Variants in ATP10B observed in about 807,000 individuals in gnomAD.
ATP10B encodes phospholipid-transporting ATPase VB.
Under a neutral mutation model 141.2 loss-of-function variants are expected in ATP10B, and 122 were observed. The observed-to-expected ratio is 0.86, with a 90% CI of 0.75 to 1.00. The LOEUF is 1.00. Ranked by LOEUF, ATP10B falls within the 50% of genes least tolerant of loss-of-function variation. ATP10B has a pLI of 0.00. For missense variants in ATP10B, 1,876 were observed against 1,825.3 expected (o/e 1.03, Z -0.51); for synonymous variants, 685 against 692.0 (o/e 0.99, Z 0.16).
intron 2 of ATP10B, among the ~76,000 whole-genome samples, chr5:160,728,735 C>T (rs1766534097): frequency 6.6e-6 from 1 of 152,040 alleles, no homozygotes; most frequent in African/African-American, 2.4e-5. Flanking sequence ...GTTGTCAGAC[C>T]TTAGGGTGGT....
At chr5:160,717,853 C>T (rs73798526) in intron 2 of ATP10B, among the ~76,000 whole-genome samples, 2,638 of 152,248 alleles carry the variant, frequency 0.017, 78 homozygotes, top group African/African-American at 0.06. Context: ...ACACACCCTG[C>T]TCCATCTCCT....
At chr5:160,599,479 A>T (rs1175393247) in intron 21 of ATP10B, among the ~76,000 whole-genome samples, 2 of 152,208 alleles carry the variant, frequency 1.3e-5, no homozygotes, top group Non-Finnish European at 2.9e-5. Context: ...CTTTCTGAAT[A>T]GCATTTTATC....
intron 7 of ATP10B, among the ~76,000 whole-genome samples, chr5:160,652,780 A>C: frequency 1.0e-5 from 1 of 98,858 alleles, no homozygotes; most frequent in Non-Finnish European, 1.8e-5. Context: ...AAATATAAAT[A>C]TATATAAAAA....
At chr5:160,738,422 T>C (rs1208725902) in intron 2 of ATP10B, among the ~76,000 whole-genome samples, 1 of 151,924 alleles carries the variant, frequency 6.6e-6, no homozygotes, top group Non-Finnish European at 1.5e-5. Context: ...ACAATAAATA[T>C]AAGTTTAAAA....
chr5:160,676,530 T>G (rs779684678), intron 6 of ATP10B, among the ~76,000 whole-genome samples: 2 of 152,218 alleles, frequency 1.3e-5, no homozygotes, highest in Non-Finnish European at 2.9e-5. Context: ...GTAAGAAGCT[T>G]GCTAAGAGCT....
chr5:160,705,662 G>T (rs1764970777), intron 3 of ATP10B, among the ~76,000 whole-genome samples: 1 of 152,188 alleles, frequency 6.6e-6, no homozygotes, highest in Admixed American at 6.5e-5. Flanking sequence ...AGGGAGTGTT[G>T]TGGCTGGTTA....
chr5:160,819,870 C>A (rs1773967986), intron 1 of ATP10B, among the ~76,000 whole-genome samples: 1 of 151,860 alleles, frequency 6.6e-6, no homozygotes, highest in African/African-American at 2.4e-5. Flanking sequence ...ATCATACTAG[C>A]AGAGAAAAAT....
At position 160,617,766 on chromosome 5, in the gene ATP10B, A is replaced by G. The variant is rs1292718391; in HGVS notation, c.2526+98T>C. 9.5e-6 allele frequency: 10 copies of G among 1,048,408 alleles called. No homozygotes were observed. The East Asian group carries it at 2.4e-4, about 25-fold the overall frequency. The allele number at this position is 1,048,408 out of a possible 1,614,324, so 64.9% of individuals were successfully genotyped here. A position where few individuals can be genotyped will look rare whatever the true frequency, so the allele number is the denominator to read the frequency against. ...AGCTAATCTTGAAAATGTTAAAACA[A>G]CCACCTCTAAGGGTCTTTTATAAAG... On this transcript the variant is annotated intron_variant, in intron 16 of 25. Transcript: ENST00000327245.
intron 2 of ATP10B, among the ~76,000 whole-genome samples, chr5:160,729,422 G>T (rs1472923173): frequency 7.2e-5 from 11 of 152,092 alleles, no homozygotes. Context: ...TGCTGCGCTA[G>T]CTAACAAGGA....
At chr5:160,830,344 T>A (rs149029234) in intron 1 of ATP10B, among the ~76,000 whole-genome samples, 1 of 152,108 alleles carries the variant, frequency 6.6e-6, no homozygotes, top group African/African-American at 2.4e-5. Flanking sequence ...ACTTTTTTAA[T>A]TGCTGTGTGT....
the ATP10B span, among the ~76,000 whole-genome samples, chr5:160,864,990 C>T: frequency 6.6e-6 from 1 of 151,266 alleles, no homozygotes; most frequent in Non-Finnish European, 1.5e-5. Flanking sequence ...TGAAATTGAA[C>T]ATACTGCCAA....
intron 20 of ATP10B, chr5:160,603,221 G>A (rs1581185573): frequency 6.4e-6 from 1 of 155,780 alleles, no homozygotes; most frequent in Non-Finnish European, 1.4e-5. Context: ...CATGAACACT[G>A]AACATGCCTG....
intron 11 of ATP10B, 134 bp from the exon 12 acceptor site, chr5:160,634,740 G>A (rs568787041): frequency 4.0e-5 from 38 of 940,180 alleles, no homozygotes; most frequent in Middle Eastern, 3.2e-4. Flanking sequence ...TGAAATTAAC[G>A]GTCAATGACC....
chr5:160,827,651 A>C (rs1469470663), intron 1 of ATP10B, among the ~76,000 whole-genome samples: 1 of 152,196 alleles, frequency 6.6e-6, no homozygotes, highest in Non-Finnish European at 1.5e-5. Flanking sequence ...TTCTTTGCCA[A>C]AGCCAATGTT....
upstream of ATP10B, among the ~76,000 whole-genome samples, chr5:160,855,280 C>T (rs567214477): frequency 6.6e-6 from 1 of 152,204 alleles, no homozygotes; most frequent in South Asian, 2.1e-4. Context: ...TTCTCCGCAT[C>T]CTCACCAGCA....
chr5:160,687,979 A>T lies in ATP10B; in HGVS notation c.96T>A (p.Ser32=), dbSNP rs1164820100. 3 of 1,613,940 alleles carry T rather than the reference A, an allele frequency of 1.9e-6. No homozygotes were observed. The highest frequency in any genetic ancestry group is 2.5e-6 in the Non-Finnish European group (3 of 1,180,016). Residue 32 remains serine (S), a synonymous_variant, in exon 5 of 26, where the codon TCT becomes TCA. Transcript: ENST00000327245. ...TGTAGCTCTGTCTCCCTTTCTCTGG[A>T]GAGAGCAGCGGTGTGGTTTCCGATG... ...HCPSETTPLL[S]PEKGRQSYNL...
At chr5:160,642,019 C>A (rs2127676505) in intron 9 of ATP10B, among the ~76,000 whole-genome samples, 1 of 152,316 alleles carries the variant, frequency 6.6e-6, no homozygotes, top group South Asian at 2.1e-4. Context: ...CTTCACCCAC[C>A]TGATCCTTGC....
intron 1 of ATP10B, among the ~76,000 whole-genome samples, chr5:160,816,011 C>A (rs1173459030): frequency 6.6e-6 from 1 of 151,800 alleles, no homozygotes; most frequent in Non-Finnish European, 1.5e-5. Flanking sequence ...ACATTTAAAG[C>A]AGTGTGTAGA....
At chr5:160,878,002 T>C in the ATP10B span, among the ~76,000 whole-genome samples, 1 of 151,658 alleles carries the variant, frequency 6.6e-6, no homozygotes, top group African/African-American at 2.4e-5. Context: ...AAGCTACCAA[T>C]GATTTTCTTC....
Sources: gnomAD v4.1 joint callset for allele counts (sites outside exome capture counted in the v4.1 genomes callset) on GRCh38, gnomAD v4.1.1 for gene constraint, MANE v1.5 for transcripts, NCBI Gene and HGNC (gene_info 2026-07-23, HGNC 2026-07-21) for gene names.